Variants in AAMDC observed in about 807,000 individuals in gnomAD.
AAMDC encodes the protein adipogenesis associated Mth938 domain containing, also known as mth938 domain-containing protein.
In AAMDC, 16 loss-of-function variants were observed where a neutral mutation model predicts 15.5. That is an observed-to-expected ratio of 1.03 (90% confidence interval 0.70 to 1.57). The LOEUF is 1.57. Among genes scored for constraint, AAMDC ranks in the 40% most tolerant of loss-of-function variants. The pLI, the probability that AAMDC is intolerant of heterozygous loss-of-function variation, is 0.00. For synonymous variants in AAMDC, 51 were observed against 51.6 expected (o/e 0.99, Z 0.05); for missense variants, 141 against 144.9 (o/e 0.97, Z 0.14).
At chr11:77,897,147 G>T (rs1359930635) in intron 5 of AAMDC, among the ~76,000 whole-genome samples, 15 of 151,850 alleles carry the variant, frequency 9.9e-5, no homozygotes, top group Admixed American at 8.5e-4. Flanking sequence ...ATTTATGTAT[G>T]AGAGCAAAGG....
intron 2 of AAMDC, among the ~76,000 whole-genome samples, chr11:77,844,027 G>A (rs887449042): frequency 1.2e-4 from 18 of 152,102 alleles, no homozygotes; most frequent in Admixed American, 6.6e-5. Context: ...ACCTCCCACC[G>A]AGTTCCTCTC....
At chr11:77,840,521 T>G (rs1949884843) in intron 1 of AAMDC, among the ~76,000 whole-genome samples, 1 of 152,050 alleles carries the variant, frequency 6.6e-6, no homozygotes, top group Non-Finnish European at 1.5e-5. Flanking sequence ...AGAGCCAGAC[T>G]CCATCTCAAA....
intron 1 of AAMDC, among the ~76,000 whole-genome samples, chr11:77,832,967 G>A (rs1399606888): frequency 8.1e-5 from 4 of 49,388 alleles, no homozygotes; most frequent in Non-Finnish European, 1.5e-4. Context: ...GTGTGTGTGT[G>A]TGTGTGTGTG....
At chr11:77,852,857 T>G (rs910642281) in intron 2 of AAMDC, among the ~76,000 whole-genome samples, 1 of 152,216 alleles carries the variant, frequency 6.6e-6, no homozygotes, top group African/African-American at 2.4e-5. Flanking sequence ...ATGATATCAG[T>G]TCATAGAGAT....
chr11:77,886,337 T>C (rs1392984020), intron 5 of AAMDC, among the ~76,000 whole-genome samples: 1 of 152,204 alleles, frequency 6.6e-6, no homozygotes, highest in Non-Finnish European at 1.5e-5. Context: ...TAGAAACCTG[T>C]GGCCCAAGTA....
chr11:77,842,655 T>C (rs1410435968), intron 2 of AAMDC, 27 bp downstream of exon 2: 11 of 1,609,226 alleles, frequency 6.8e-6, no homozygotes, highest in Non-Finnish European at 9.3e-6. Context: ...TGGTTGATAC[T>C]ACATGAGGCT....
intron 1 of AAMDC, among the ~76,000 whole-genome samples, chr11:77,826,538 C>T (rs1333690814): frequency 6.6e-6 from 1 of 152,182 alleles, no homozygotes; most frequent in Non-Finnish European, 1.5e-5. Context: ...GCTGTACTGA[C>T]TGTTAAACTG....
intron 1 of AAMDC, among the ~76,000 whole-genome samples, chr11:77,835,686 A>G (rs932130681): frequency 2.0e-5 from 3 of 152,154 alleles, no homozygotes; most frequent in African/African-American, 7.2e-5. Context: ...TGGGAGACTG[A>G]GGTGGGCGGA....
intron 5 of AAMDC, chr11:77,878,642 A>G: frequency 1.6e-6 from 1 of 625,068 alleles, no homozygotes; most frequent in South Asian, 1.9e-5. Flanking sequence ...ACACCTGAGG[A>G]ATAGCATGTA....
chr11:77,826,133 C>T (rs1297975926), intron 1 of AAMDC, among the ~76,000 whole-genome samples: 2 of 152,082 alleles, frequency 1.3e-5, no homozygotes, highest in Admixed American at 1.3e-4. Context: ...ATAATCTCAG[C>T]ACTCTGAGAG....
chr11:77,860,513 G>A (rs910380345), intron 2 of AAMDC, among the ~76,000 whole-genome samples: 10 of 152,214 alleles, frequency 6.6e-5, no homozygotes, highest in Non-Finnish European at 1.3e-4. Context: ...CAGGTGGCAA[G>A]GAAATTTAAG....
At chr11:77,852,193 C>T (rs1950412692) in intron 2 of AAMDC, among the ~76,000 whole-genome samples, 2 of 96,928 alleles carry the variant, frequency 2.1e-5, no homozygotes, top group Non-Finnish European at 4.0e-5. Flanking sequence ...GAGCTTCACT[C>T]CAGCCTGGCC....
chr11:77,842,619 A>G lies in AAMDC; in HGVS notation c.123A>G (p.Thr41=). 1 of 1,613,886 alleles carries G rather than the reference A, an allele frequency of 6.2e-7. No individual in the cohort carries two copies. The highest frequency in any genetic ancestry group is 1.7e-5 in the Admixed American group (1 of 59,938). Residue 41 remains threonine, a synonymous_variant, in exon 2 of 4, where the codon ACA becomes ACG. Coordinates refer to ENST00000393427, the MANE Select transcript of AAMDC (RefSeq NM_024684.4). ...GGSRTWDWRE[T]GTEHSPGVQP... ...GTCGGACTTGGGATTGGAGAGAAAC[A>G]GGAACTGAGGTAAGATATTAGTCTT...
At chr11:77,828,755 A>C (rs753122527) in intron 1 of AAMDC, among the ~76,000 whole-genome samples, 1 of 152,184 alleles carries the variant, frequency 6.6e-6, no homozygotes, top group Non-Finnish European at 1.5e-5. Flanking sequence ...ACACATATTC[A>C]TGGATTGGAA....
chr11:77,838,049 G>A (rs189545244), intron 1 of AAMDC, among the ~76,000 whole-genome samples: 54 of 152,290 alleles, frequency 3.5e-4, no homozygotes, highest in Non-Finnish European at 6.9e-4. Flanking sequence ...CTCCAGACTG[G>A]ATGAAAGAAT....
downstream of AAMDC, chr11:77,900,727 G>T: frequency 1.5e-6 from 1 of 648,438 alleles, no homozygotes; most frequent in East Asian, 2.7e-5. Context: ...CAAAATATCT[G>T]ATTTCAGAGA....
chr11:77,833,785 G>A (rs765845345), intron 1 of AAMDC, among the ~76,000 whole-genome samples: 11 of 152,048 alleles, frequency 7.2e-5, no homozygotes, highest in Admixed American at 2.0e-4. Context: ...ACAGTTAATC[G>A]TATATTAATA....
downstream of AAMDC, chr11:77,876,865 A>G: frequency 1.6e-6 from 1 of 639,776 alleles, no homozygotes; most frequent in Non-Finnish European, 2.8e-6. Context: ...GAAAAATATC[A>G]GCATATTCTT....
chr11:77,826,361 CA>C (rs200321410), intron 1 of AAMDC, among the ~76,000 whole-genome samples: 47 of 142,042 alleles, frequency 3.3e-4, no homozygotes, highest in African/African-American at 6.0e-4. Context: ...GACATCATCT[CA>C]AAAAAAAAAA....
Sources: allele counts gnomAD v4.1 joint callset (sites outside exome capture counted in the v4.1 genomes callset), GRCh38; gene constraint gnomAD v4.1.1; transcripts MANE v1.5; gene names NCBI Gene and HGNC (gene_info 2026-07-23, HGNC 2026-07-21).